BCAS3: variants seen among roughly 807,000 people sequenced by gnomAD.
BCAS3 encodes BCAS4/BCAS3 fusion.
Under a neutral mutation model 116.1 loss-of-function variants are expected in BCAS3, and 53 were observed. That is an observed-to-expected ratio of 0.46 (90% CI 0.37 to 0.57). The LOEUF (loss-of-function observed/expected upper bound fraction) is 0.57, where lower values mean the gene tolerates loss of function less well. Among genes scored for constraint, BCAS3 ranks in the 20% least tolerant of loss-of-function variants. The probability of loss-of-function intolerance (pLI) is 0.00; values close to 1 mark genes in which losing one functional copy is unlikely to be tolerated. For synonymous variants in BCAS3, 391 were observed against 408.2 expected (o/e 0.96, Z 0.51); for missense variants, 917 against 1,165.4 (o/e 0.79, Z 3.10).
intron 4 of BCAS3, among the ~76,000 whole-genome samples, chr17:60,708,410 G>A (rs1171686805): frequency 6.7e-6 from 1 of 148,760 alleles, no homozygotes; most frequent in Non-Finnish European, 1.5e-5. Context: ...CCAAGCTGGA[G>A]TACAGTGGTG....
intron 23 of BCAS3, among the ~76,000 whole-genome samples, chr17:61,373,031 C>T (rs199888525): frequency 1.3e-5 from 2 of 152,052 alleles, no homozygotes; most frequent in East Asian, 1.9e-4. Flanking sequence ...AGTGCTCTCA[C>T]ACATCTGATA....
rs2048350281 is a variant in BCAS3 at position 61,251,323 on chromosome 17, A to G, written c.2426-117004A>G. ...GGTGGCTCATGCCTGTAATCCCAGC[A>G]CTCTGGGAGGCTGAGGCGGGCGGAT... is the stretch of plus-strand genomic sequence containing the variant. On this transcript the variant is annotated intron_variant, in intron 22 of 23. Transcript: ENST00000407086. The surrounding 1 kb of genome is among the most constrained non-coding windows in gnomAD (Gnocchi z 4.7). 6.6e-6 allele frequency among the ~76,000 whole-genome samples: 1 copy of G among 152,130 alleles called. No homozygotes were observed. The highest frequency in any genetic ancestry group is 2.1e-4 in the South Asian group (1 of 4,818).
intron 2 of BCAS3, among the ~76,000 whole-genome samples, chr17:60,683,012 A>G (rs971532062): frequency 4.0e-5 from 6 of 151,766 alleles, no homozygotes; most frequent in African/African-American, 1.5e-4. Context: ...TCTGGGTTCA[A>G]CTCCACCTCA....
At chr17:60,963,802 G>T (rs961809634) in intron 14 of BCAS3, among the ~76,000 whole-genome samples, 10 of 152,042 alleles carry the variant, frequency 6.6e-5, no homozygotes, top group African/African-American at 1.2e-4. Flanking sequence ...TGATCCACCC[G>T]CCTCGGCCTC....
At chr17:60,721,484 G>C (rs560174915) in intron 5 of BCAS3, among the ~76,000 whole-genome samples, 2 of 152,274 alleles carry the variant, frequency 1.3e-5, no homozygotes, top group Admixed American at 1.3e-4. Context: ...GAGAACTCTT[G>C]CATCTGAAAC....
intron 22 of BCAS3, among the ~76,000 whole-genome samples, chr17:61,252,967 C>G (rs1024418043): frequency 3.3e-5 from 5 of 150,964 alleles, no homozygotes; most frequent in African/African-American, 1.2e-4. Flanking sequence ...GCAACCTCCA[C>G]CTCCTGGGTT....
chr17:60,727,553 G>A (rs1462529682), intron 5 of BCAS3: 18 of 1,132,712 alleles, frequency 1.6e-5, no homozygotes, highest in Non-Finnish European at 2.2e-5. Flanking sequence ...GCCTCGCAAA[G>A]CTCTCGCCTG....
At chr17:61,080,595 C>A (rs1353244980) in intron 21 of BCAS3, among the ~76,000 whole-genome samples, 5 of 151,812 alleles carry the variant, frequency 3.3e-5, no homozygotes, top group African/African-American at 4.8e-5. Flanking sequence ...CAAAAAAATA[C>A]AAAAAATACA....
chr17:61,045,876 A>AAT (rs1457240685), intron 19 of BCAS3, among the ~76,000 whole-genome samples: 13 of 39,730 alleles, frequency 3.3e-4, no homozygotes, highest in Non-Finnish European at 4.7e-4. Context: ...AATATATATA[A>AAT]ATATATATTA....
intron 7 of BCAS3, among the ~76,000 whole-genome samples, chr17:60,826,436 A>G (rs1040697391): frequency 3.9e-5 from 6 of 152,126 alleles, no homozygotes; most frequent in Non-Finnish European, 5.9e-5. Flanking sequence ...CGGCCTCTCA[A>G]AGTGCTGGGA....
intron 22 of BCAS3, among the ~76,000 whole-genome samples, chr17:61,338,327 A>G (rs188080073): frequency 1.1e-4 from 17 of 152,352 alleles, no homozygotes; most frequent in Admixed American, 3.9e-4. Context: ...TACTATAATA[A>G]GCAAATTCAG....
intron 22 of BCAS3, among the ~76,000 whole-genome samples, chr17:61,178,552 TCTG>T (rs1362298963): frequency 6.6e-6 from 1 of 152,214 alleles, no homozygotes; most frequent in African/African-American, 2.4e-5. Flanking sequence ...GCTATCTGCT[TCTG>T]CTATCAATAA....
intron 23 of BCAS3, among the ~76,000 whole-genome samples, chr17:61,369,572 G>A (rs2058938117): frequency 6.6e-6 from 1 of 152,178 alleles, no homozygotes; most frequent in South Asian, 2.1e-4. Flanking sequence ...TTAGGTTTAT[G>A]GTCAGGCGTT....
intron 22 of BCAS3, among the ~76,000 whole-genome samples, chr17:61,114,993 G>C (rs1014237648): frequency 1.3e-5 from 2 of 151,714 alleles, no homozygotes; most frequent in African/African-American, 4.8e-5. Flanking sequence ...ATGGGGAAAG[G>C]ATTCCCTATT....
intron 14 of BCAS3, among the ~76,000 whole-genome samples, chr17:60,954,570 A>G (rs2061022930): frequency 6.6e-6 from 1 of 152,164 alleles, no homozygotes; most frequent in Admixed American, 6.5e-5. Flanking sequence ...TTTTACCCAT[A>G]CTAGTAGTTC....
chr17:61,172,374 G>A (rs1446791157), intron 22 of BCAS3, among the ~76,000 whole-genome samples: 11 of 152,116 alleles, frequency 7.2e-5, no homozygotes, highest in Admixed American at 7.2e-4. Flanking sequence ...GGTGGCTTAC[G>A]CCTAATCCCA....
chr17:61,036,287 G>A (rs1182180130), intron 17 of BCAS3: 1 of 152,156 alleles, frequency 6.6e-6, no homozygotes, highest in African/African-American at 2.4e-5. Flanking sequence ...TCTCCTTTAT[G>A]CTAACACTGG....
At chr17:60,925,633 A>G (rs749250794) in intron 13 of BCAS3, among the ~76,000 whole-genome samples, 7 of 152,158 alleles carry the variant, frequency 4.6e-5, no homozygotes, top group Non-Finnish European at 1.0e-4. Context: ...TTATTCTTCT[A>G]TAGAAAACGT....
At position 61,313,337 on chromosome 17, in the gene BCAS3, C is replaced by T. The variant is rs907323045; in HGVS notation, c.2426-54990C>T. 6.6e-6 allele frequency among the ~76,000 whole-genome samples: 1 copy of T among 152,212 alleles called. No individual in the cohort carries two copies. The highest frequency in any genetic ancestry group is 2.4e-5 in the African/African-American group (1 of 41,450). On this transcript the variant is annotated intron_variant, in intron 22 of 23. Coordinates refer to ENST00000407086, the MANE Select transcript of BCAS3 (RefSeq NM_017679.5). The surrounding 1 kb of genome is among the most constrained non-coding windows in gnomAD (Gnocchi z 4.3). The stretch of plus-strand genomic sequence containing the variant: ...TCTTCCCTCCACCATGCCCTACTAC[C>T]TTCCTATAGGAAGCTTAATCTGCGG...
Sources: allele counts gnomAD v4.1 joint callset (sites outside exome capture counted in the v4.1 genomes callset), GRCh38; gene constraint gnomAD v4.1.1; non-coding constraint Gnocchi (gnomAD v3.1); transcripts MANE v1.5; gene names NCBI Gene and HGNC (gene_info 2026-07-23, HGNC 2026-07-21).